Variants in ATAD3B observed in about 807,000 individuals in gnomAD.
The protein encoded by ATAD3B is ATPase family AAA domain containing 3B.
Under a neutral mutation model 70.2 loss-of-function variants are expected in ATAD3B, and 59 were observed. The observed-to-expected ratio is 0.84, with a 90% CI of 0.68 to 1.04. The LOEUF (loss-of-function observed/expected upper bound fraction) is 1.04, where lower values mean the gene tolerates loss of function less well. ATAD3B is among the 50% of genes least tolerant of loss of function. ATAD3B has a pLI of 0.00. For missense variants in ATAD3B, 961 were observed against 913.4 expected (o/e 1.05, Z -0.67); for synonymous variants, 423 against 388.6 (o/e 1.09, Z -1.04).
chr1:1,498,149 C>G (rs911967691), downstream of ATAD3B, among the ~76,000 whole-genome samples: 1 of 148,616 alleles, frequency 6.7e-6, no homozygotes, highest in Non-Finnish European at 1.5e-5. Flanking sequence ...ATTAAAAATA[C>G]GAAAGTTAGC....
Position 1,488,007 on chromosome 1 carries a change from T to G in ATAD3B, c.1266+93T>G. 3.9e-6 allele frequency: 6 copies of G among 1,542,984 alleles called. 1 individual carries two copies. Among genetic ancestry groups the G allele is most frequent in the Non-Finnish European group, 5.4e-6 (6 of 1,117,120 alleles). On this transcript the variant is annotated intron_variant, in intron 12 of 15. Coordinates refer to ENST00000673477, the MANE Select transcript of ATAD3B (RefSeq NM_031921.6). ...CCAGGCTGCAGCCCTTAAGCTGGCT[T>G]GCAGTGGCGCAATCTTGGCTCGCTG...
chr1:1,476,566 T>G (rs1264509033), intron 1 of ATAD3B, among the ~76,000 whole-genome samples: 1 of 151,838 alleles, frequency 6.6e-6, no homozygotes, highest in Non-Finnish European at 1.5e-5. Flanking sequence ...TGGAGTGCAT[T>G]GCTTCGATCT....
chr1:1,490,885 T>C (rs1347887042), intron 15 of ATAD3B, among the ~76,000 whole-genome samples: 1 of 152,012 alleles, frequency 6.6e-6, no homozygotes, highest in East Asian at 1.9e-4. Flanking sequence ...GGGGCCATGT[T>C]GGTTGCTGAC....
chr1:1,504,349 T>G, the ATAD3B span, among the ~76,000 whole-genome samples: 2 of 151,974 alleles, frequency 1.3e-5, no homozygotes, highest in Non-Finnish European at 2.9e-5. Flanking sequence ...GCATTGTAGC[T>G]TAAAAATTTA....
At chr1:1,504,850 C>G in the ATAD3B span, among the ~76,000 whole-genome samples, 1 of 152,088 alleles carries the variant, frequency 6.6e-6, no homozygotes, top group Non-Finnish European at 1.5e-5. Flanking sequence ...GTGTCCCTTA[C>G]AAGGATGCTC....
At chr1:1,509,128 C>G in the ATAD3B span, 2 of 1,533,994 alleles carry the variant, frequency 1.3e-6, no homozygotes, top group Non-Finnish European at 8.8e-7. Flanking sequence ...GGTCCCTCCC[C>G]ACCTCGGGGC....
chr1:1,481,572 C>G (rs1456977160), intron 5 of ATAD3B, among the ~76,000 whole-genome samples: 2 of 95,966 alleles, frequency 2.1e-5, no homozygotes, highest in African/African-American at 8.9e-5. Flanking sequence ...ACGTCTGTCA[C>G]CACTCTTCAC....
intron 15 of ATAD3B, 152 bp downstream of exon 15, chr1:1,490,823 A>C: frequency 6.8e-7 from 1 of 1,460,858 alleles, no homozygotes; most frequent in South Asian, 1.4e-5. Flanking sequence ...CCCCTGCCTC[A>C]GTCGGGCCAC....
downstream of ATAD3B, among the ~76,000 whole-genome samples, chr1:1,502,060 G>A (rs919530205): frequency 6.6e-6 from 1 of 151,710 alleles, no homozygotes; most frequent in African/African-American, 2.4e-5. Flanking sequence ...TATGTTTTTA[G>A]TAGAGATGGG....
chr1:1,488,675 C>T (rs1227360625), intron 12 of ATAD3B, among the ~76,000 whole-genome samples: 1 of 151,892 alleles, frequency 6.6e-6, no homozygotes, highest in South Asian at 2.1e-4. Context: ...AGGAGAATCG[C>T]TTGAACCCAG....
At position 1,480,801 on chromosome 1, in the gene ATAD3B, C is replaced by A. The variant is rs201398241; in HGVS notation, c.445-66C>A. ...TGTGGTCCTGGGGCGGACGCAACCTCTGGATTGGTGTTGAGCATTTTTCTG... is the reference window on the plus strand; with the variant it reads ...TGTGGTCCTGGGGCGGACGCAACCTATGGATTGGTGTTGAGCATTTTTCTG... On this transcript the variant is annotated intron_variant, in intron 4 of 15. Transcript: ENST00000673477. 3.0e-4 allele frequency: 478 copies of A among 1,590,118 alleles called. 72 individuals carry two copies. In the East Asian group the frequency reaches 9.3e-3, roughly 31 times the overall value.
chr1:1,505,509 C>G, the ATAD3B span, among the ~76,000 whole-genome samples: 2 of 152,212 alleles, frequency 1.3e-5, 1 homozygote, highest in African/African-American at 4.8e-5. Context: ...TCTAAACTCC[C>G]CCGGGGAAAG....
chr1:1,498,742 G>T (rs1365667379), downstream of ATAD3B, among the ~76,000 whole-genome samples: 1 of 151,136 alleles, frequency 6.6e-6, no homozygotes, highest in Non-Finnish European at 1.5e-5. Flanking sequence ...TCACTCCGTC[G>T]CCCAGGCTGG....
intron 15 of ATAD3B, 60 bp from the exon 16 acceptor site, chr1:1,495,425 G>A (rs878866022): frequency 5.9e-6 from 9 of 1,536,778 alleles, no homozygotes; most frequent in Admixed American, 2.0e-5. Flanking sequence ...GGGCCCTGGC[G>A]TGCATTAAGG....
chr1:1,489,145 C>T (rs1208292691), intron 12 of ATAD3B, 59 bp from the exon 13 acceptor site: 9 of 1,610,418 alleles, frequency 5.6e-6, no homozygotes, highest in Non-Finnish European at 6.8e-6. Context: ...GGACTTTCTG[C>T]TCTGGCTGTT....
intron 15 of ATAD3B, among the ~76,000 whole-genome samples, chr1:1,491,087 G>A (rs1277874739): frequency 1.3e-5 from 2 of 151,928 alleles, no homozygotes; most frequent in Non-Finnish European, 2.9e-5. Context: ...AGGTCCCTTG[G>A]CTTGGTCCTG....
At chr1:1,473,851 T>G (rs913866633) in intron 1 of ATAD3B, among the ~76,000 whole-genome samples, 8 of 152,068 alleles carry the variant, frequency 5.3e-5, no homozygotes, top group Non-Finnish European at 2.9e-5. Context: ...GTGAAGCAGA[T>G]ATAAACAGAG....
Position 1,489,797 on chromosome 1 carries a change from G to C in ATAD3B, c.1338-460G>C. On this transcript the variant is annotated intron_variant, in intron 13 of 15. Transcript: ENST00000673477. ...CAGCTGCTGCCGTTCGACGCTCCCT[G>C]GAGCCCTGACTCAGGTCCTTCCCAG... 1.4e-5 allele frequency: 18 copies of C among 1,286,282 alleles called. No homozygotes were observed. The South Asian group carries it at 2.2e-4, about 16-fold the overall frequency. 79.7% of individuals were successfully genotyped at this position (1,286,282 alleles called of 1,614,324 possible). A position where few individuals can be genotyped will look rare whatever the true frequency, so the allele number is the denominator to read the frequency against.
chr1:1,480,864 C>A lies in ATAD3B; in HGVS notation c.445-3C>A, dbSNP rs757434471. On this transcript the variant is annotated splice_polypyrimidine_tract_variant and splice_region_variant and intron_variant, in intron 4 of 15. Coordinates refer to ENST00000673477, the MANE Select transcript of ATAD3B (RefSeq NM_031921.6). ...TTTCTCTTTTTCTGCGGCTTCTTCT[C>A]AGCAACTTCTCAATGAGGAGAATTT... The A allele has an allele frequency of 1.1e-5, 18 of 1,594,466 alleles. No homozygotes were observed. In the Admixed American group the frequency reaches 1.4e-4, roughly 12 times the overall value.
Sources: gnomAD v4.1 joint callset for allele counts (sites outside exome capture counted in the v4.1 genomes callset) on GRCh38, gnomAD v4.1.1 for gene constraint, MANE v1.5 for transcripts, NCBI Gene and HGNC (gene_info 2026-07-23, HGNC 2026-07-21) for gene names.